RBFOX1: variants seen among roughly 807,000 people sequenced by gnomAD.
The protein encoded by RBFOX1 is RNA binding protein fox-1 homolog 1.
RBFOX1 carries 8 observed loss-of-function variants against 57.7 expected under a neutral mutation model. That is an observed-to-expected ratio of 0.14 (90% CI 0.08 to 0.25). The LOEUF (loss-of-function observed/expected upper bound fraction) is 0.25, where lower values mean the gene tolerates loss of function less well. Ranked by LOEUF, RBFOX1 falls within the 10% of genes least tolerant of loss-of-function variation. The pLI, the probability that RBFOX1 is intolerant of heterozygous loss-of-function variation, is 1.00. For missense variants in RBFOX1, 611 were observed against 548.5 expected, an observed-to-expected ratio of 1.11 and a Z score of -1.14; for synonymous variants, 326 against 222.4, an observed-to-expected ratio of 1.47 and a Z score of -4.15.
chr16:5,470,937 C>T (rs745613283), intron 2 of RBFOX1, among the ~76,000 whole-genome samples: 38 of 152,108 alleles, frequency 2.5e-4, no homozygotes, highest in Non-Finnish European at 4.0e-4. Flanking sequence ...CTGCAACTTC[C>T]GCATCCTGGG....
At chr16:7,437,744 T>C (rs1455467910) in intron 4 of RBFOX1, among the ~76,000 whole-genome samples, 1 of 152,144 alleles carries the variant, frequency 6.6e-6, no homozygotes, top group African/African-American at 2.4e-5. Flanking sequence ...GCATCTTTGA[T>C]TTACTTATAC....
At chr16:6,642,254 T>G (rs1345680152) in intron 2 of RBFOX1, among the ~76,000 whole-genome samples, 1 of 152,164 alleles carries the variant, frequency 6.6e-6, no homozygotes, top group African/African-American at 2.4e-5. Context: ...CGAGAAGTAT[T>G]CTTCTTAAAA....
intron 4 of RBFOX1, among the ~76,000 whole-genome samples, chr16:7,379,560 A>G (rs890276215): frequency 2.0e-5 from 3 of 152,230 alleles, no homozygotes; most frequent in Non-Finnish European, 4.4e-5. Flanking sequence ...AAATGCATAC[A>G]TATGTGGTAA....
intron 3 of RBFOX1, among the ~76,000 whole-genome samples, chr16:6,787,065 G>C (rs367966783): frequency 6.6e-6 from 1 of 152,112 alleles, no homozygotes; most frequent in East Asian, 1.9e-4. Flanking sequence ...TTTTGAATAC[G>C]TGAAAAGAAA....
At chr16:6,248,297 C>G (rs929860312) in intron 1 of RBFOX1, among the ~76,000 whole-genome samples, 5 of 152,000 alleles carry the variant, frequency 3.3e-5, no homozygotes, top group Admixed American at 2.6e-4. Flanking sequence ...AGAGAGGTGG[C>G]CTTGGATTTT....
intron 3 of RBFOX1, among the ~76,000 whole-genome samples, chr16:5,646,356 C>G (rs1235499834): frequency 6.6e-6 from 1 of 151,892 alleles, no homozygotes; most frequent in Non-Finnish European, 1.5e-5. Context: ...TCAGGCTGAT[C>G]TCAACCTCCT....
At chr16:5,271,088 C>T (rs1206667953) in intron 1 of RBFOX1, 2 of 192,928 alleles carry the variant, frequency 1.0e-5, no homozygotes, top group African/African-American at 2.4e-5. Context: ...GAGGTTGAGG[C>T]ATGAGAATCA....
chr16:6,566,122 AT>A, intron 2 of RBFOX1, among the ~76,000 whole-genome samples: 1 of 152,210 alleles, frequency 6.6e-6, no homozygotes, highest in Non-Finnish European at 1.5e-5. Flanking sequence ...CACTGTTCAA[AT>A]TTATTAGCTA....
chr16:5,913,239 A>G (rs1007413130), intron 4 of RBFOX1, among the ~76,000 whole-genome samples: 4 of 152,198 alleles, frequency 2.6e-5, no homozygotes, highest in Admixed American at 2.0e-4. Context: ...ACGGTTATTT[A>G]TTGGGACTTA....
intron 5 of RBFOX1, among the ~76,000 whole-genome samples, chr16:7,520,778 A>G (rs1187537848): frequency 1.3e-5 from 2 of 152,216 alleles, no homozygotes; most frequent in African/African-American, 2.4e-5. Context: ...CTATTTTGTG[A>G]CAATTAATAG....
At chr16:5,747,247 G>A (rs1369428384) in intron 3 of RBFOX1, among the ~76,000 whole-genome samples, 1 of 152,178 alleles carries the variant, frequency 6.6e-6, no homozygotes, top group Non-Finnish European at 1.5e-5. Context: ...CTTGATCATG[G>A]TGGATAAGCT....
intron 1 of RBFOX1, 151 bp from the exon 2 acceptor site, chr16:6,316,844 A>G: frequency 1.7e-6 from 1 of 573,060 alleles, no homozygotes; most frequent in South Asian, 2.5e-5. Context: ...AATCATTTTC[A>G]TCATCATCAT....
chr16:6,827,976 C>G (rs555390917), intron 3 of RBFOX1, among the ~76,000 whole-genome samples: 1 of 152,172 alleles, frequency 6.6e-6, no homozygotes, highest in Non-Finnish European at 1.5e-5. Context: ...CTGTAGGGGA[C>G]AAATCTTGTC....
intron 2 of RBFOX1, among the ~76,000 whole-genome samples, chr16:6,541,810 G>T (rs949142863): frequency 6.6e-6 from 1 of 152,140 alleles, no homozygotes; most frequent in African/African-American, 2.4e-5. Flanking sequence ...AGTGGAAGAG[G>T]TGAGCGAAAA....
chr16:5,546,754 A>G (rs1315344320), intron 2 of RBFOX1, among the ~76,000 whole-genome samples: 1 of 152,226 alleles, frequency 6.6e-6, no homozygotes, highest in African/African-American at 2.4e-5. Flanking sequence ...GATAAATTTT[A>G]AAATTGGCAA....
chr16:7,534,755 G>A (rs894542146), intron 5 of RBFOX1, among the ~76,000 whole-genome samples: 2 of 144,638 alleles, frequency 1.4e-5, no homozygotes, highest in Non-Finnish European at 3.0e-5. Flanking sequence ...CGTAGCAGAA[G>A]AAAATCCTAA....
chr16:5,826,637 C>T (rs1224611759), intron 3 of RBFOX1, among the ~76,000 whole-genome samples: 1 of 152,202 alleles, frequency 6.6e-6, no homozygotes, highest in Admixed American at 6.5e-5. Flanking sequence ...TTGCTAACCT[C>T]TACTTTATGC....
chr16:6,557,074 T>C (rs921898414), intron 2 of RBFOX1, among the ~76,000 whole-genome samples: 2 of 146,852 alleles, frequency 1.4e-5, no homozygotes, highest in African/African-American at 5.0e-5. Flanking sequence ...CATACATATA[T>C]ACATATATAC....
At chr16:6,026,031 C>T (rs1220054984) in intron 1 of RBFOX1, among the ~76,000 whole-genome samples, 1 of 152,202 alleles carries the variant, frequency 6.6e-6, no homozygotes, top group Non-Finnish European at 1.5e-5. Flanking sequence ...CCCACCCACC[C>T]AGCAGTTCAC....
Sources: allele counts gnomAD v4.1 joint callset (sites outside exome capture counted in the v4.1 genomes callset), GRCh38; gene constraint gnomAD v4.1.1; transcripts MANE v1.5; gene names NCBI Gene and HGNC (gene_info 2026-07-23, HGNC 2026-07-21).